The following LCAT variants were observed in gnomAD, a reference collection of about 807,000 sequenced individuals.
LCAT encodes phosphatidylcholine-sterol acyltransferase.
Under a neutral mutation model 41.0 loss-of-function variants are expected in LCAT, and 15 were observed. The observed-to-expected ratio is 0.37, with a 90% CI of 0.24 to 0.56. The LOEUF is 0.56. Among genes scored for constraint, LCAT ranks in the 20% least tolerant of loss-of-function variants. The probability of loss-of-function intolerance (pLI) is 0.81; values close to 1 mark genes in which losing one functional copy is unlikely to be tolerated. For missense variants in LCAT, 449 were observed against 595.1 expected, an observed-to-expected ratio of 0.75 and a Z score of 2.55; for synonymous variants, 248 against 245.4, an observed-to-expected ratio of 1.01 and a Z score of -0.10.
chr16:67,942,664 C>T lies in LCAT; in HGVS notation c.523+7G>A, dbSNP rs539925492. 6 of 1,612,828 alleles carry T rather than the reference C, an allele frequency of 3.7e-6. No homozygotes were observed. Among genetic ancestry groups the T allele is most frequent in the Non-Finnish European group, 8.5e-7 (1 of 1,179,940 alleles). On this transcript the variant is annotated splice_region_variant and intron_variant, in intron 4 of 5. Transcript: ENST00000264005. This position sits in a 1 kb window ranked among gnomAD's most constrained non-coding sequence, Gnocchi z 6.6. Reference sequence around the variant, plus strand: ...ACCCCAAGCCGGTCATCCGCAGAGACACTCACCGGGCTCCAGCCGCCAGTC... The same window carrying T: ...ACCCCAAGCCGGTCATCCGCAGAGATACTCACCGGGCTCCAGCCGCCAGTC...
chr16:67,942,768 T>G lies in LCAT; in HGVS notation c.428-2A>C. 1 of 1,612,772 alleles carries G rather than the reference T, an allele frequency of 6.2e-7. No homozygotes were observed. Among genetic ancestry groups the G allele is most frequent in the Non-Finnish European group, 8.5e-7 (1 of 1,179,792 alleles). On this transcript the variant is annotated splice_acceptor_variant, in intron 3 of 5. Coordinates refer to ENST00000264005, the MANE Select transcript of LCAT (RefSeq NM_000229.2). LOFTEE classifies it high-confidence loss of function. This position sits in a 1 kb window ranked among gnomAD's most constrained non-coding sequence, Gnocchi z 6.6. ...TCTGCACCAGTGTGTGCAGGTACCC[T>G]GTGGGGGGACCAGCAGCACCGGGGG... is the stretch of plus-strand genomic sequence containing the variant.
At chr16:67,941,696 A>T (rs1032883318) in intron 5 of LCAT, 14 of 992,438 alleles carry the variant, frequency 1.4e-5, no homozygotes, top group Admixed American at 1.1e-4. Flanking sequence ...ATGTGTGGGG[A>T]TGGTGGGGGC....
Position 67,942,055 on chromosome 16 carries a change from G to A in LCAT, c.748+308C>T. On this transcript the variant is annotated intron_variant, in intron 5 of 5. Coordinates refer to ENST00000264005, the MANE Select transcript of LCAT (RefSeq NM_000229.2). This position sits in a 1 kb window ranked among gnomAD's most constrained non-coding sequence, Gnocchi z 6.6. ...GGCAAAGGCACTCCTGCGAGCAAGT[G>A]GAAGGCAGGCAAGGGCTGGGCAGGC... is the stretch of plus-strand genomic sequence containing the variant. The A allele has an allele frequency of 7.8e-7, 1 of 1,287,000 alleles. No individual in the cohort carries two copies. The highest frequency in any genetic ancestry group is 9.9e-7 in the Non-Finnish European group (1 of 1,005,736). 79.7% of individuals were successfully genotyped at this position (1,287,000 alleles called of 1,614,324 possible). A position where few individuals can be genotyped will look rare whatever the true frequency, so the allele number is the denominator to read the frequency against.
At chr16:67,941,651 ACCAGGGTGTGTGGGGATGGTGGGTGAGGC>A (rs2058291318) in intron 5 of LCAT, 2 of 983,270 alleles carry the variant, frequency 2.0e-6, no homozygotes, top group Non-Finnish European at 2.4e-6. Context: ...CTTCCTGAGG[ACCAGGGTGTGTGGGGATGGTGGGTGAGGC>A]CCAGGATGTG....
chr16:67,941,028 G>A (rs1055684516), intron 5 of LCAT, among the ~76,000 whole-genome samples: 1 of 152,034 alleles, frequency 6.6e-6, no homozygotes, highest in African/African-American at 2.4e-5. Flanking sequence ...ATAGGGCCGG[G>A]TACGGTGGCT....
rs1157846033 is a variant in LCAT, at chr16:67,943,529, G to A, written c.155-317C>T. 1.9e-6 allele frequency: 1 copy of A among 516,456 alleles called. No homozygotes were observed. Among genetic ancestry groups the A allele is most frequent in the East Asian group, 3.6e-5 (1 of 28,120 alleles). 32.0% of individuals were successfully genotyped at this position (516,456 alleles called of 1,614,324 possible). A position where few individuals can be genotyped will look rare whatever the true frequency, so the allele number is the denominator to read the frequency against. On this transcript the variant is annotated intron_variant, in intron 1 of 5. Transcript: ENST00000264005. The surrounding 1 kb of genome is among the most constrained non-coding windows in gnomAD (Gnocchi z 4.6). The stretch of plus-strand genomic sequence containing the variant: ...CCAAGGTGGGAACAGATAGGTCTGG[G>A]GGCATGGGGGCTGGGCCTAATAGGG...
At chr16:67,941,982 G>C in intron 5 of LCAT, 1 of 1,199,060 alleles carries the variant, frequency 8.3e-7, no homozygotes, top group Non-Finnish European at 1.1e-6. Flanking sequence ...GCCTCGGGGG[G>C]TCTGGCCCTA....
In LCAT at chr16:67,940,331, C is replaced by G. The variant is rs1290795589; in HGVS notation, c.896G>C (p.Gly299Ala). The G allele has an allele frequency of 6.2e-7, 1 of 1,614,012 alleles. No homozygotes were observed. The highest frequency in any genetic ancestry group is 1.3e-5 in the African/African-American group (1 of 74,926). ...TGCAAAGAAGCGTTGGAAGTCACGG[C>G]CTGTGTAGTTGAAGCTGGGTGTGGA... is the stretch of plus-strand genomic sequence containing the variant. ...FISTPSFNYT[G>A]RDFQRFFADL... Residue 299 changes from glycine (G) to alanine (A), a missense_variant, in exon 6 of 6, where the codon GGC becomes GCC. Physicochemically the swap from Gly to Ala is moderately conservative, Grantham distance 60 (BLOSUM62 0). Coordinates refer to ENST00000264005, the MANE Select transcript of LCAT (RefSeq NM_000229.2).
intron 5 of LCAT, 57 bp from the exon 6 acceptor site, chr16:67,940,535 A>C: frequency 6.2e-7 from 1 of 1,608,152 alleles, no homozygotes. Flanking sequence ...CCTGGCCCAC[A>C]ACCTGCTGAG....
chr16:67,940,388 C>T lies in LCAT; in HGVS notation c.839G>A (p.Arg280His), dbSNP rs532898663. The change falls in exon 6 of 6, where the codon CGC (arginine) becomes CAC (histidine). Residue 280 changes from arginine (R) to histidine (H), a missense_variant. Physicochemically the swap from Arg to His is conservative, Grantham distance 29. Coordinates refer to ENST00000264005, the MANE Select transcript of LCAT (RefSeq NM_000229.2). Reference protein sequence around the residue: ...TTTSPWMFPSRMAWPEDHVFI... With the variant: ...TTTSPWMFPSHMAWPEDHVFI... Reference sequence around the variant, plus strand: ...CACGTGGTCCTCAGGCCACGCCATGCGAGAGGGAAACATCCAGGGGGAGGT... The same window carrying T: ...CACGTGGTCCTCAGGCCACGCCATGTGAGAGGGAAACATCCAGGGGGAGGT... 9.3e-6 allele frequency: 15 copies of T among 1,613,978 alleles called. No individual in the cohort carries two copies. Among genetic ancestry groups the T allele is most frequent in the East Asian group, 4.5e-5 (2 of 44,878 alleles).
At chr16:67,941,031 C>T (rs895357704) in intron 5 of LCAT, among the ~76,000 whole-genome samples, 11 of 151,988 alleles carry the variant, frequency 7.2e-5, no homozygotes, top group African/African-American at 2.2e-4. Flanking sequence ...GGGCCGGGTA[C>T]GGTGGCTCAC....
Position 67,941,722 on chromosome 16 carries a change from C to G in LCAT, c.748+641G>C, listed in dbSNP as rs755774876. On this transcript the variant is annotated intron_variant, in intron 5 of 5. Transcript: ENST00000264005. Reference sequence around the variant, plus strand: ...TGGTGGGGGCGGTGCTGGCTGTCCTCCCTCGGGCATGTGTCTTTCTGCTCC... The same window carrying G: ...TGGTGGGGGCGGTGCTGGCTGTCCTGCCTCGGGCATGTGTCTTTCTGCTCC... 663 of 996,140 alleles carry G rather than the reference C, an allele frequency of 6.7e-4. 1 individual carries two copies. Among genetic ancestry groups the G allele is most frequent in the Non-Finnish European group, 7.7e-4 (647 of 835,498 alleles). 61.7% of individuals were successfully genotyped at this position (996,140 alleles called of 1,614,324 possible).
Position 67,942,972 on chromosome 16 carries a change from C to A in LCAT, c.316G>T (p.Val106Phe). The A allele has an allele frequency of 6.2e-7, 1 of 1,613,872 alleles. No individual in the cohort carries two copies. The highest frequency in any genetic ancestry group is 8.5e-7 in the Non-Finnish European group (1 of 1,179,976). The change falls in exon 3 of 6, where the codon GTC (valine) becomes TTC (phenylalanine). Residue 106 changes from valine (V) to phenylalanine (F), a missense_variant. By Grantham distance (50) the Val-to-Phe change is conservative. Coordinates refer to ENST00000264005, the MANE Select transcript of LCAT (RefSeq NM_000229.2). This position sits in a 1 kb window ranked among gnomAD's most constrained non-coding sequence, Gnocchi z 6.6. ...VDCWIDNTRV[V>F]YNRSSGLVSN... ...ACGAGCCCAGAGCTCCGGTTGTAGACAACCCTGCGGGGCGGGGGTGCCACT... is the reference window on the plus strand; with the variant it reads ...ACGAGCCCAGAGCTCCGGTTGTAGAAAACCCTGCGGGGCGGGGGTGCCACT...
rs1252551588 is a variant in LCAT, at chr16:67,942,717, C to T, written c.477G>A (p.Arg159=). 1 of 1,612,878 alleles carries T rather than the reference C, an allele frequency of 6.2e-7. No individual in the cohort carries two copies. The highest frequency in any genetic ancestry group is 8.5e-7 in the Non-Finnish European group (1 of 1,179,954). Residue 159 remains arginine (R), a synonymous_variant, in exon 4 of 6, where the codon CGG becomes CGA. Coordinates refer to ENST00000264005, the MANE Select transcript of LCAT (RefSeq NM_000229.2). This position sits in a 1 kb window ranked among gnomAD's most constrained non-coding sequence, Gnocchi z 6.6. ...AGGGGGCGGCGCGCACAGTCTCGTC[C>T]CGCACGTAGCCATTGTTGACCAGGT... The part of the protein sequence containing the change: ...VQNLVNNGYV[R]DETVRAAPYD...
In LCAT at chr16:67,942,156, C is replaced by T; in HGVS notation, c.748+207G>A. ...CTTTCTGTGTTCACTGCCCCTTTGC[C>T]ATCACTGACACAGACTCTGGAAGGA... On this transcript the variant is annotated intron_variant, in intron 5 of 5. Coordinates refer to ENST00000264005, the MANE Select transcript of LCAT (RefSeq NM_000229.2). The surrounding 1 kb of genome is among the most constrained non-coding windows in gnomAD (Gnocchi z 6.6). 1.5e-6 allele frequency: 2 copies of T among 1,374,982 alleles called. No homozygotes were observed. Among genetic ancestry groups the T allele is most frequent in the Non-Finnish European group, 1.9e-6 (2 of 1,025,758 alleles). The allele number at this position is 1,374,982 out of a possible 1,614,324, so 85.2% of individuals were successfully genotyped here.
In LCAT at chr16:67,941,802, A is replaced by C. The variant is rs1375553856; in HGVS notation, c.748+561T>G. 8 of 1,028,096 alleles carry C rather than the reference A, an allele frequency of 7.8e-6. No homozygotes were observed. The African/African-American group carries it at 1.2e-4, about 15-fold the overall frequency. 63.7% of individuals were successfully genotyped at this position (1,028,096 alleles called of 1,614,324 possible). On this transcript the variant is annotated intron_variant, in intron 5 of 5. Transcript: ENST00000264005. The stretch of plus-strand genomic sequence containing the variant: ...CAGAGTTGTGCTCCAGAAAGGGGGA[A>C]ACAAGATGGTGTCTGTTTGATGTTT...
chr16:67,942,719 G>A lies in LCAT; in HGVS notation c.475C>T (p.Arg159Trp), dbSNP rs28940887. 8.7e-6 allele frequency: 14 copies of A among 1,612,718 alleles called. No individual in the cohort carries two copies. Among genetic ancestry groups the A allele is most frequent in the African/African-American group, 4.0e-5 (3 of 74,920 alleles). ...VQNLVNNGYV[R>W]DETVRAAPYD... ...GGGGCGGCGCGCACAGTCTCGTCCC[G>A]CACGTAGCCATTGTTGACCAGGTTC... The change falls in exon 4 of 6, where the codon CGG (arginine) becomes TGG (tryptophan). Residue 159 changes from arginine (R) to tryptophan (W), a missense_variant. Transcript: ENST00000264005. The surrounding 1 kb of genome is among the most constrained non-coding windows in gnomAD (Gnocchi z 6.6).
At position 67,942,703 on chromosome 16, in the gene LCAT, C is replaced by T. The variant is rs769485083; in HGVS notation, c.491G>A (p.Arg164His). ...CAGCCGCCAGTCATAGGGGGCGGCG[C>T]GCACAGTCTCGTCCCGCACGTAGCC... ...NNGYVRDETV[R>H]AAPYDWRLEP... is the part of the protein sequence containing the mutation. Residue 164 changes from arginine to histidine, a missense_variant, in exon 4 of 6, where the codon CGC becomes CAC. Coordinates refer to ENST00000264005, the MANE Select transcript of LCAT (RefSeq NM_000229.2). This position sits in a 1 kb window ranked among gnomAD's most constrained non-coding sequence, Gnocchi z 6.6. The T allele has an allele frequency of 6.8e-6, 11 of 1,612,772 alleles. No homozygotes were observed. Among genetic ancestry groups the T allele is most frequent in the Admixed American group, 3.3e-5 (2 of 60,008 alleles).
rs1392964939 is a variant in LCAT at position 67,943,894 on chromosome 16, GCCCAGGCT to G, written c.154+46_154+53del. ...GCCAGGTCAGCTGCCAGGGGCTGGG[GCCCAGGCT>G]CCCCAGGGTCTGGCGTGGTGCATCA... On this transcript the variant is annotated intron_variant, in intron 1 of 5. Coordinates refer to ENST00000264005, the MANE Select transcript of LCAT (RefSeq NM_000229.2). The surrounding 1 kb of genome is among the most constrained non-coding windows in gnomAD (Gnocchi z 4.6). 4 of 1,474,044 alleles carry G rather than the reference GCCCAGGCT, an allele frequency of 2.7e-6. No homozygotes were observed. Among genetic ancestry groups the G allele is most frequent in the Non-Finnish European group, 3.7e-6 (4 of 1,094,980 alleles). The allele number at this position is 1,474,044 out of a possible 1,614,324, so 91.3% of individuals were successfully genotyped here.
Sources: allele counts gnomAD v4.1 joint callset (sites outside exome capture counted in the v4.1 genomes callset), GRCh38; gene constraint gnomAD v4.1.1; non-coding constraint Gnocchi (gnomAD v3.1); transcripts MANE v1.5; gene names NCBI Gene and HGNC (gene_info 2026-07-23, HGNC 2026-07-21).